The following CNTNAP5 variants were observed in gnomAD, a reference collection of about 807,000 sequenced individuals.
CNTNAP5 encodes contactin-associated protein-like 5.
A neutral mutation model predicts 150.2 loss-of-function variants in CNTNAP5; 72 were observed. The ratio of observed to expected loss-of-function variants is 0.48; its 90% CI spans 0.40 to 0.58. CNTNAP5 has a LOEUF of 0.58. Ranked by LOEUF, CNTNAP5 falls within the 20% of genes least tolerant of loss-of-function variation. The pLI is 0.00. For missense variants in CNTNAP5, 1,636 were observed against 1,626.2 expected (o/e 1.01, Z -0.10); for synonymous variants, 672 against 619.8 (o/e 1.08, Z -1.25).
chr2:124,166,860 T>C (rs538982722), intron 1 of CNTNAP5, among the ~76,000 whole-genome samples: 3 of 152,252 alleles, frequency 2.0e-5, no homozygotes, highest in African/African-American at 7.2e-5. Flanking sequence ...CTTTGTCCTT[T>C]GATAAAACTT....
rs542793990 is a variant in CNTNAP5 at position 124,499,067 on chromosome 2, C to T, written c.1063-5225C>T. On this transcript the variant is annotated intron_variant, in intron 7 of 23. Coordinates refer to ENST00000682447, the MANE Select transcript of CNTNAP5 (RefSeq NM_001367498.1). ...CAGGAGCAATGCTAGATACATTGCA[C>T]GTGGTCTCATGTGGTCTTAAATCAT... is the stretch of plus-strand genomic sequence containing the variant. Among the ~76,000 whole-genome samples, 56 of 152,230 alleles carry T rather than the reference C, an allele frequency of 3.7e-4. No individual in the cohort carries two copies. In the South Asian group the frequency reaches 9.5e-3, roughly 26 times the overall value.
intron 5 of CNTNAP5, among the ~76,000 whole-genome samples, chr2:124,439,657 C>T (rs563661011): frequency 3.9e-5 from 6 of 152,074 alleles, no homozygotes; most frequent in Admixed American, 3.9e-4. Flanking sequence ...GAGTCAAGTC[C>T]ATTGAATCAC....
intron 3 of CNTNAP5, among the ~76,000 whole-genome samples, chr2:124,391,737 C>T (rs1421065338): frequency 6.6e-6 from 1 of 152,124 alleles, no homozygotes; most frequent in East Asian, 1.9e-4. Context: ...GGGCGGATCA[C>T]GAGGTCAGGA....
At chr2:124,230,119 C>T (rs1686577556) in intron 2 of CNTNAP5, among the ~76,000 whole-genome samples, 1 of 152,060 alleles carries the variant, frequency 6.6e-6, no homozygotes, top group Admixed American at 6.5e-5. Flanking sequence ...GATTTAAAAT[C>T]CTTACCTCCC....
chr2:124,729,728 A>G (rs1680231131), intron 13 of CNTNAP5, among the ~76,000 whole-genome samples: 1 of 152,076 alleles, frequency 6.6e-6, no homozygotes, highest in Non-Finnish European at 1.5e-5. Context: ...GTAACCAGAT[A>G]CTCAAGATAA....
At position 124,798,240 on chromosome 2, in the gene CNTNAP5, T is replaced by A; in HGVS notation, c.3137T>A (p.Val1046Glu). 1 of 1,613,996 alleles carries A rather than the reference T, an allele frequency of 6.2e-7. No homozygotes were observed. The highest frequency in any genetic ancestry group is 8.5e-7 in the Non-Finnish European group (1 of 1,179,852). The change falls in exon 19 of 24, where the codon GTG becomes GAG. Residue 1046 changes from valine to glutamate, a missense_variant. Transcript: ENST00000682447. ...PSKENIALSFVTTQAPSLLLF... is the reference protein window; with the variant it reads ...PSKENIALSFETTQAPSLLLF... ...AAGGAAAACATTGCACTTAGCTTTG[T>A]GACAACCCAGGCACCCAGTCTTTTG...
At chr2:124,189,964 T>G (rs1162130202) in intron 1 of CNTNAP5, among the ~76,000 whole-genome samples, 1 of 152,192 alleles carries the variant, frequency 6.6e-6, no homozygotes, top group Admixed American at 6.5e-5. Flanking sequence ...TTTGAACAAG[T>G]CTTTTAACTT....
chr2:124,811,773 T>A (rs966686602), intron 19 of CNTNAP5, among the ~76,000 whole-genome samples: 1 of 149,728 alleles, frequency 6.7e-6, no homozygotes, highest in African/African-American at 2.5e-5. Flanking sequence ...AAACCCCATC[T>A]GTACTAAAAA....
At chr2:124,666,986 C>T (rs1678714979) in intron 13 of CNTNAP5, among the ~76,000 whole-genome samples, 1 of 151,714 alleles carries the variant, frequency 6.6e-6, no homozygotes, top group South Asian at 2.1e-4. Flanking sequence ...ATTAAATACA[C>T]ATTTTATGAT....
chr2:124,800,294 G>A (rs1681940336), intron 19 of CNTNAP5, among the ~76,000 whole-genome samples: 1 of 152,264 alleles, frequency 6.6e-6, no homozygotes, highest in South Asian at 2.1e-4. Context: ...GTACCTGTCA[G>A]GCCATGCCTA....
chr2:124,403,968 A>G (rs998965856), intron 3 of CNTNAP5, among the ~76,000 whole-genome samples: 1 of 152,212 alleles, frequency 6.6e-6, no homozygotes, highest in African/African-American at 2.4e-5. Flanking sequence ...CATGGAAAAA[A>G]ACCCACCCCC....
At chr2:124,499,150 G>GT (rs112501560) in intron 7 of CNTNAP5, among the ~76,000 whole-genome samples, 32 of 151,244 alleles carry the variant, frequency 2.1e-4, no homozygotes, top group African/African-American at 5.3e-4. Context: ...AGAAAGGCAT[G>GT]TTTTTTTTTC....
chr2:124,587,047 T>G (rs1352062016), intron 11 of CNTNAP5, among the ~76,000 whole-genome samples: 1 of 152,140 alleles, frequency 6.6e-6, no homozygotes, highest in Non-Finnish European at 1.5e-5. Context: ...CCTGTAAAAA[T>G]GAAGCTCAAC....
intron 1 of CNTNAP5, among the ~76,000 whole-genome samples, chr2:124,044,659 T>C (rs1381083881): frequency 6.6e-6 from 1 of 152,156 alleles, no homozygotes; most frequent in Non-Finnish European, 1.5e-5. Context: ...ATGATTTATA[T>C]TGGCTCTTTT....
chr2:124,832,161 C>A (rs1353975113), intron 19 of CNTNAP5, among the ~76,000 whole-genome samples: 1 of 151,934 alleles, frequency 6.6e-6, no homozygotes, highest in African/African-American at 2.4e-5. Flanking sequence ...TAAATCCAGG[C>A]AAAAATGTAT....
At chr2:124,838,603 G>T (rs1029817223) in intron 19 of CNTNAP5, among the ~76,000 whole-genome samples, 1 of 152,254 alleles carries the variant, frequency 6.6e-6, no homozygotes, top group South Asian at 2.1e-4. Flanking sequence ...ATCTCATGCA[G>T]CTGGCTGCGA....
intron 1 of CNTNAP5, among the ~76,000 whole-genome samples, chr2:124,127,501 T>C (rs954595967): frequency 2.6e-5 from 4 of 152,160 alleles, no homozygotes; most frequent in Admixed American, 2.6e-4. Context: ...AATTTATAGA[T>C]TTAATGCCAT....
At chr2:124,618,972 G>A in intron 12 of CNTNAP5, among the ~76,000 whole-genome samples, 1 of 152,132 alleles carries the variant, frequency 6.6e-6, no homozygotes. Context: ...AAGATATTTA[G>A]AAAATGACCT....
chr2:124,610,030 A>G, intron 12 of CNTNAP5, 110 bp downstream of exon 12: 1 of 1,242,456 alleles, frequency 8.0e-7, no homozygotes, highest in Non-Finnish European at 1.1e-6. Context: ...TGAAAGACCA[A>G]CTGGTCTCCT....
Sources: gnomAD v4.1 joint callset for allele counts (sites outside exome capture counted in the v4.1 genomes callset) on GRCh38, gnomAD v4.1.1 for gene constraint, MANE v1.5 for transcripts, NCBI Gene and HGNC (gene_info 2026-07-23, HGNC 2026-07-21) for gene names.